The following GRIK4 variants were observed in gnomAD, a reference collection of about 807,000 sequenced individuals.
GRIK4 encodes glutamate receptor ionotropic, kainate 4.
Under a neutral mutation model 104.9 loss-of-function variants are expected in GRIK4, and 40 were observed. The observed-to-expected ratio is 0.38, with a 90% confidence interval of 0.30 to 0.50. The LOEUF (loss-of-function observed/expected upper bound fraction) is 0.50, where lower values mean the gene tolerates loss of function less well. GRIK4 is among the 20% of genes least tolerant of loss of function. The pLI, the probability that GRIK4 is intolerant of heterozygous loss-of-function variation, is 0.93. For synonymous variants in GRIK4, 485 were observed against 524.9 expected, an observed-to-expected ratio of 0.92 and a Z score of 1.04; for missense variants, 1,047 against 1,308.1, an observed-to-expected ratio of 0.80 and a Z score of 3.08.
chr11:120,924,307 G>A (rs1022862377), intron 13 of GRIK4, among the ~76,000 whole-genome samples: 2 of 152,096 alleles, frequency 1.3e-5, no homozygotes, highest in East Asian at 1.9e-4. Flanking sequence ...TGTAGCAGTC[G>A]GTACCGTGGC....
intron 1 of GRIK4, among the ~76,000 whole-genome samples, chr11:120,558,432 A>C (rs942380395): frequency 4.6e-5 from 7 of 152,052 alleles, no homozygotes; most frequent in Non-Finnish European, 7.4e-5. Context: ...CGAAAAATTC[A>C]AAAAAATTAG....
chr11:120,967,542 C>T lies in GRIK4; in HGVS notation c.2395+219C>T, dbSNP rs1269232590. ...CCACCCGGCTCCCAAGTCCTAGAGG[C>T]TCTGCCTCCATGTTGTTTCTTGAAC... On this transcript the variant is annotated intron_variant, in intron 19 of 20. Transcript: ENST00000527524. The surrounding 1 kb of genome is among the most constrained non-coding windows in gnomAD (Gnocchi z 4.2). Among the ~76,000 whole-genome samples the T allele has an allele frequency of 6.6e-6, 1 of 152,162 alleles. No homozygotes were observed.
chr11:120,547,637 G>GAA (rs1948098608), intron 1 of GRIK4, among the ~76,000 whole-genome samples: 2 of 151,964 alleles, frequency 1.3e-5, no homozygotes, highest in South Asian at 4.1e-4. Flanking sequence ...TTTTTCCATG[G>GAA]AAACGTCTGA....
chr11:120,581,040 C>T (rs1396153867), intron 1 of GRIK4, among the ~76,000 whole-genome samples: 1 of 152,154 alleles, frequency 6.6e-6, no homozygotes, highest in Admixed American at 6.5e-5. Context: ...GTCTTTTCAT[C>T]TGTTTATTTG....
At chr11:120,885,227 T>G (rs1955083608) in intron 11 of GRIK4, among the ~76,000 whole-genome samples, 1 of 152,236 alleles carries the variant, frequency 6.6e-6, no homozygotes, top group South Asian at 2.1e-4. Flanking sequence ...GGTATGCAGA[T>G]GAGTCCTCGT....
At chr11:120,716,017 G>C (rs1950826054) in intron 3 of GRIK4, among the ~76,000 whole-genome samples, 2 of 152,168 alleles carry the variant, frequency 1.3e-5, no homozygotes, top group Admixed American at 1.3e-4. Flanking sequence ...CATGTGGGCA[G>C]TGGGGGAAGG....
At chr11:120,688,878 G>A (rs1294884162) in intron 3 of GRIK4, among the ~76,000 whole-genome samples, 1 of 152,162 alleles carries the variant, frequency 6.6e-6, no homozygotes, top group African/African-American at 2.4e-5. Context: ...GGAAGAAAGA[G>A]AGGTTGTATG....
chr11:120,782,334 G>A (rs1474974172), intron 3 of GRIK4, among the ~76,000 whole-genome samples: 2 of 148,146 alleles, frequency 1.4e-5, no homozygotes, highest in East Asian at 3.9e-4. Flanking sequence ...CGCCCAGGCT[G>A]GAATGCAGTG....
At chr11:120,825,303 T>C (rs371838632) in intron 6 of GRIK4, among the ~76,000 whole-genome samples, 1 of 152,204 alleles carries the variant, frequency 6.6e-6, no homozygotes, top group African/African-American at 2.4e-5. Context: ...ATTTTCTACC[T>C]GTGAGATCTT....
chr11:120,550,601 G>A (rs1309433154), intron 1 of GRIK4, among the ~76,000 whole-genome samples: 1 of 152,060 alleles, frequency 6.6e-6, no homozygotes, highest in East Asian at 1.9e-4. Context: ...GGGCAGAGGC[G>A]GGGAGCCCTG....
At chr11:120,631,733 C>T (rs1949335624) in intron 1 of GRIK4, among the ~76,000 whole-genome samples, 1 of 152,184 alleles carries the variant, frequency 6.6e-6, no homozygotes, top group African/African-American at 2.4e-5. Context: ...TTAGGATTGC[C>T]TCATGGGCTT....
intron 1 of GRIK4, among the ~76,000 whole-genome samples, chr11:120,610,855 C>T (rs1231654360): frequency 2.0e-5 from 3 of 152,186 alleles, no homozygotes; most frequent in Non-Finnish European, 4.4e-5. Flanking sequence ...CCTAGTGAGT[C>T]ACAAGCCTGG....
rs186238441 is a variant in GRIK4, at chr11:120,761,949, T to C, written c.83-40744T>C. On this transcript the variant is annotated intron_variant, in intron 3 of 20. Coordinates refer to ENST00000527524, the MANE Select transcript of GRIK4 (RefSeq NM_014619.5). ...CTATACGGACTCTTTTTTGCTTTCA[T>C]ATTAAATTTAAAGTAATTTTTTCTA... 7.2e-5 allele frequency among the ~76,000 whole-genome samples: 11 copies of C among 152,324 alleles called. No homozygotes were observed. The East Asian group carries it at 2.1e-3, about 29-fold the overall frequency.
At chr11:120,554,531 C>G (rs1398489563) in intron 1 of GRIK4, among the ~76,000 whole-genome samples, 1 of 151,974 alleles carries the variant, frequency 6.6e-6, no homozygotes, top group Non-Finnish European at 1.5e-5. Context: ...CTTCCAGTCT[C>G]TCTCTGTCGC....
intron 1 of GRIK4, among the ~76,000 whole-genome samples, chr11:120,601,494 A>G (rs1948886095): frequency 1.3e-5 from 2 of 150,926 alleles, no homozygotes; most frequent in South Asian, 4.2e-4. Context: ...CACATAGCAC[A>G]TTAGTGGCTG....
At chr11:120,929,868 G>A (rs1160731996) in intron 13 of GRIK4, among the ~76,000 whole-genome samples, 1 of 152,050 alleles carries the variant, frequency 6.6e-6, no homozygotes, top group African/African-American at 2.4e-5. Context: ...ATGTCTGATC[G>A]CATCCACAGC....
At chr11:120,899,232 C>T (rs1469803423) in intron 12 of GRIK4, among the ~76,000 whole-genome samples, 1 of 151,848 alleles carries the variant, frequency 6.6e-6, no homozygotes, top group African/African-American at 2.4e-5. Flanking sequence ...AGCTGGCCAA[C>T]ACGGCGAAAC....
chr11:120,758,506 T>C (rs1322023666), intron 3 of GRIK4, among the ~76,000 whole-genome samples: 1 of 152,166 alleles, frequency 6.6e-6, no homozygotes, highest in African/African-American at 2.4e-5. Flanking sequence ...TAACCAGGGC[T>C]CCAGCATTGC....
At chr11:120,746,709 G>T (rs1220643977) in intron 3 of GRIK4, among the ~76,000 whole-genome samples, 2 of 152,196 alleles carry the variant, frequency 1.3e-5, no homozygotes, top group Non-Finnish European at 2.9e-5. Flanking sequence ...TTCATGAGCT[G>T]CAAGCATTGG....
Sources: allele counts gnomAD v4.1 joint callset (sites outside exome capture counted in the v4.1 genomes callset), GRCh38; gene constraint gnomAD v4.1.1; non-coding constraint Gnocchi (gnomAD v3.1); transcripts MANE v1.5; gene names NCBI Gene and HGNC (gene_info 2026-07-23, HGNC 2026-07-21).